The following GLUD1 variants were observed in gnomAD, a reference collection of about 807,000 sequenced individuals.
The protein encoded by GLUD1 is glutamate dehydrogenase 1, also known as glutamate dehydrogenase 1, mitochondrial.
GLUD1 carries 22 observed loss-of-function variants against 56.0 expected under a neutral mutation model. The ratio of observed to expected loss-of-function variants is 0.39; its 90% confidence interval spans 0.28 to 0.56. The LOEUF (loss-of-function observed/expected upper bound fraction) is 0.56, where lower values mean the gene tolerates loss of function less well. Among genes scored for constraint, GLUD1 ranks in the 20% least tolerant of loss-of-function variants. GLUD1 has a pLI of 0.58. For synonymous variants in GLUD1, 223 were observed against 269.9 expected, an observed-to-expected ratio of 0.83 and a Z score of 1.70; for missense variants, 451 against 732.0, an observed-to-expected ratio of 0.62 and a Z score of 4.43.
intron 5 of GLUD1, among the ~76,000 whole-genome samples, chr10:87,065,659 T>G (rs1407362939): frequency 1.3e-5 from 2 of 152,138 alleles, no homozygotes; most frequent in Non-Finnish European, 2.9e-5. Context: ...CCACAATTAT[T>G]TGAAGGGTCT....
intron 1 of GLUD1, among the ~76,000 whole-genome samples, chr10:87,077,907 C>A (rs1002372792): frequency 6.6e-6 from 1 of 151,950 alleles, no homozygotes; most frequent in African/African-American, 2.4e-5. Context: ...GTAATGGGAG[C>A]CCCAGGGAGA....
At chr10:87,089,617 T>C (rs1224236117) in intron 1 of GLUD1, 1 of 985,238 alleles carries the variant, frequency 1.0e-6, no homozygotes, top group Non-Finnish European at 1.2e-6. Context: ...CTGCAGAATC[T>C]TCTAGGTGTA....
At chr10:87,058,099 A>C (rs1845835768) in intron 10 of GLUD1, among the ~76,000 whole-genome samples, 1 of 152,176 alleles carries the variant, frequency 6.6e-6, no homozygotes, top group Non-Finnish European at 1.5e-5. Context: ...CGACCTCCTG[A>C]CCTCGTGATT....
chr10:87,090,167 T>C (rs886918880), intron 1 of GLUD1, among the ~76,000 whole-genome samples: 29 of 152,238 alleles, frequency 1.9e-4, no homozygotes, highest in Admixed American at 1.4e-3. Context: ...TTTTAATGGT[T>C]ACAGAACCCT....
chr10:87,089,527 A>G, intron 1 of GLUD1: 1 of 709,646 alleles, frequency 1.4e-6, no homozygotes, highest in Non-Finnish European at 1.7e-6. Context: ...GCACACACAG[A>G]GCTGAATAAA....
chr10:87,057,179 C>T (rs1266708699), intron 11 of GLUD1, among the ~76,000 whole-genome samples: 2 of 152,042 alleles, frequency 1.3e-5, no homozygotes, highest in Admixed American at 6.6e-5. Flanking sequence ...TTAGTAGAGA[C>T]GGGGTCACCA....
intron 5 of GLUD1, among the ~76,000 whole-genome samples, chr10:87,065,934 C>A (rs892885374): frequency 2.6e-5 from 4 of 152,136 alleles, no homozygotes; most frequent in African/African-American, 9.7e-5. Flanking sequence ...TGCCCATGTT[C>A]CCAGCCACAG....
chr10:87,055,737 C>A (rs1234279590), intron 11 of GLUD1, among the ~76,000 whole-genome samples: 2 of 152,154 alleles, frequency 1.3e-5, no homozygotes, highest in Non-Finnish European at 2.9e-5. Flanking sequence ...AGCATTTTTT[C>A]TTTCTTTACA....
chr10:87,080,046 T>C (rs1841171741), intron 1 of GLUD1, among the ~76,000 whole-genome samples: 1 of 151,530 alleles, frequency 6.6e-6, no homozygotes, highest in African/African-American at 2.4e-5. Flanking sequence ...TGCCTGATTC[T>C]CCTGCCTCAG....
intron 1 of GLUD1, among the ~76,000 whole-genome samples, chr10:87,077,826 C>T (rs1408517374): frequency 6.6e-6 from 1 of 151,976 alleles, no homozygotes; most frequent in East Asian, 1.9e-4. Flanking sequence ...ATTTTTTCTA[C>T]CCTCCCACTC....
Position 87,094,783 on chromosome 10 carries a change from G to A in GLUD1, c.-14C>T. The A allele has an allele frequency of 6.5e-7, 1 of 1,528,982 alleles. No individual in the cohort carries two copies. The highest frequency in any genetic ancestry group is 1.2e-5 in the South Asian group (1 of 85,440). 94.7% of individuals were successfully genotyped at this position (1,528,982 alleles called of 1,614,324 possible). On this transcript the variant is annotated 5_prime_UTR_variant, in exon 1 of 13. Coordinates refer to ENST00000277865, the MANE Select transcript of GLUD1 (RefSeq NM_005271.5). The surrounding 1 kb of genome is among the most constrained non-coding windows in gnomAD (Gnocchi z 6.6). ...GTAGCGGTACATGGCCACAAGCGGAGGGGAGGTGCGTGATGGTCGCGAAAC... is the reference window on the plus strand; with the variant it reads ...GTAGCGGTACATGGCCACAAGCGGAAGGGAGGTGCGTGATGGTCGCGAAAC...
chr10:87,087,851 T>A (rs1841420292), intron 1 of GLUD1, among the ~76,000 whole-genome samples: 1 of 152,022 alleles, frequency 6.6e-6, no homozygotes, highest in South Asian at 2.1e-4. Context: ...GAGGCCGAGG[T>A]GGGCTGATCA....
chr10:87,052,669 CAAAAAA>C (rs751155208), intron 12 of GLUD1, among the ~76,000 whole-genome samples: 4 of 41,724 alleles, frequency 9.6e-5, no homozygotes, highest in Non-Finnish European at 1.4e-4. Flanking sequence ...AACTCCGTCT[CAAAAAA>C]AAAAAAAAAA....
intron 5 of GLUD1, among the ~76,000 whole-genome samples, chr10:87,066,584 A>G (rs1040572434): frequency 9.2e-5 from 14 of 151,792 alleles, no homozygotes; most frequent in African/African-American, 2.7e-4. Context: ...CACTACCCCT[A>G]CCCTAGTCCA....
At chr10:87,053,700 G>C (rs11202311) in intron 11 of GLUD1, among the ~76,000 whole-genome samples, 9,399 of 152,190 alleles carry the variant, frequency 0.062, 597 homozygotes, top group African/African-American at 0.17. Flanking sequence ...TGAGGGCATG[G>C]AGTGAGATGA....
chr10:87,069,385 C>T (rs1846162136), intron 4 of GLUD1, among the ~76,000 whole-genome samples: 1 of 151,744 alleles, frequency 6.6e-6, no homozygotes, highest in Non-Finnish European at 1.5e-5. Flanking sequence ...CGTGGTGGCA[C>T]ATGTCTGTAA....
At chr10:87,093,205 T>C (rs573463872) in intron 1 of GLUD1, among the ~76,000 whole-genome samples, 4 of 152,348 alleles carry the variant, frequency 2.6e-5, no homozygotes, top group Admixed American at 2.0e-4. Context: ...CGGGCATAAC[T>C]GAAAGACCAC....
In GLUD1 at chr10:87,094,014, C is replaced by G. The variant is rs1038395167; in HGVS notation, c.445+311G>C. 1 of 1,474,380 alleles carries G rather than the reference C, an allele frequency of 6.8e-7. No individual in the cohort carries two copies. The highest frequency in any genetic ancestry group is 1.4e-5 in the African/African-American group (1 of 71,686). The allele number at this position is 1,474,380 out of a possible 1,614,324, so 91.3% of individuals were successfully genotyped here. A position where few individuals can be genotyped will look rare whatever the true frequency, so the allele number is the denominator to read the frequency against. On this transcript the variant is annotated intron_variant, in intron 1 of 12. Coordinates refer to ENST00000277865, the MANE Select transcript of GLUD1 (RefSeq NM_005271.5). The surrounding 1 kb of genome is among the most constrained non-coding windows in gnomAD (Gnocchi z 6.6). The stretch of plus-strand genomic sequence containing the variant: ...AGAAGTGCATTTCGGCAGGACCCGC[C>G]GTGTGTGACACAGACACCGGGACCA...
chr10:87,052,988 A>T (rs191361995), intron 12 of GLUD1, among the ~76,000 whole-genome samples: 46 of 152,208 alleles, frequency 3.0e-4, no homozygotes, highest in Non-Finnish European at 5.0e-4. Flanking sequence ...AGTCAAAATA[A>T]GTTTTGCTTA....
Sources: gnomAD v4.1 joint callset for allele counts (sites outside exome capture counted in the v4.1 genomes callset) on GRCh38, gnomAD v4.1.1 for gene constraint, Gnocchi (gnomAD v3.1) non-coding constraint, MANE v1.5 for transcripts, NCBI Gene and HGNC (gene_info 2026-07-23, HGNC 2026-07-21) for gene names.